Variants in CSMD3 observed in about 807,000 individuals in gnomAD.
CSMD3 encodes CUB and Sushi multiple domains 3, also known as CUB and sushi domain-containing protein 3.
In CSMD3, 177 loss-of-function variants were observed where a neutral mutation model predicts 435.2. The observed-to-expected ratio is 0.41, with a 90% CI of 0.36 to 0.46. The LOEUF (loss-of-function observed/expected upper bound fraction) is 0.46, where lower values mean the gene tolerates loss of function less well. CSMD3 is among the 20% of genes least tolerant of loss of function. The pLI is 0.34. For missense variants in CSMD3, 4,265 were observed against 4,504.6 expected, an observed-to-expected ratio of 0.95 and a Z score of 1.52; for synonymous variants, 1,656 against 1,520.5, an observed-to-expected ratio of 1.09 and a Z score of -2.07.
At chr8:113,332,282 C>A (rs1438204097) in intron 1 of CSMD3, among the ~76,000 whole-genome samples, 3 of 146,518 alleles carry the variant, frequency 2.0e-5, no homozygotes, top group Non-Finnish European at 3.0e-5. Flanking sequence ...GTCCATACAG[C>A]ATTACCACAA....
intron 38 of CSMD3, among the ~76,000 whole-genome samples, chr8:112,361,252 T>C (rs925720620): frequency 1.3e-5 from 2 of 151,740 alleles, no homozygotes; most frequent in African/African-American, 4.8e-5. Context: ...TTAATGGGAT[T>C]GGATCAATTA....
intron 7 of CSMD3, among the ~76,000 whole-genome samples, chr8:112,967,357 G>A (rs1334241064): frequency 6.6e-6 from 1 of 151,766 alleles, no homozygotes; most frequent in Non-Finnish European, 1.5e-5. Flanking sequence ...TCATTTTTGA[G>A]GCCTAAAAGC....
At chr8:113,418,328 A>G (rs1444914231) in intron 1 of CSMD3, among the ~76,000 whole-genome samples, 1 of 152,154 alleles carries the variant, frequency 6.6e-6, no homozygotes, top group Non-Finnish European at 1.5e-5. Context: ...TTCTGCACAT[A>G]TCTTTTAAAC....
chr8:112,823,797 G>A (rs2079595925), intron 12 of CSMD3, among the ~76,000 whole-genome samples: 1 of 152,146 alleles, frequency 6.6e-6, no homozygotes, highest in Non-Finnish European at 1.5e-5. Context: ...TATATATTCT[G>A]TTGATTTGGG....
At chr8:112,303,610 C>A (rs62514400) in intron 52 of CSMD3, among the ~76,000 whole-genome samples, 35,839 of 151,716 alleles carry the variant, frequency 0.24, 4,410 homozygotes, top group East Asian at 0.36. Flanking sequence ...GATGATGGCA[C>A]ATTTTTACAA....
chr8:112,987,824 T>C (rs1007526129), intron 6 of CSMD3, among the ~76,000 whole-genome samples: 1 of 152,070 alleles, frequency 6.6e-6, no homozygotes, highest in South Asian at 2.1e-4. Context: ...AGGATTTTCA[T>C]GCAGAGCTCA....
chr8:112,940,313 G>A (rs912196113), intron 9 of CSMD3, among the ~76,000 whole-genome samples: 1 of 151,568 alleles, frequency 6.6e-6, no homozygotes, highest in Non-Finnish European at 1.5e-5. Flanking sequence ...CTCAAGAGAA[G>A]CCCAAATTTA....
chr8:112,241,840 A>ATG (rs1814185087), intron 65 of CSMD3, 55 bp from the exon 66 acceptor site: 2 of 894,042 alleles, frequency 2.2e-6, no homozygotes, highest in South Asian at 1.3e-5. Flanking sequence ...TTACATACAC[A>ATG]TGCGCACACA....
intron 3 of CSMD3, among the ~76,000 whole-genome samples, chr8:113,243,663 G>A (rs1363457336): frequency 1.3e-5 from 2 of 152,048 alleles, no homozygotes; most frequent in African/African-American, 4.8e-5. Flanking sequence ...GTAACTCTGT[G>A]TTTAACTTTT....
intron 27 of CSMD3, among the ~76,000 whole-genome samples, chr8:112,524,240 T>C (rs1824617734): frequency 6.6e-6 from 1 of 151,642 alleles, no homozygotes; most frequent in Non-Finnish European, 1.5e-5. Flanking sequence ...ATCAAAAGGA[T>C]CTGTACAAGA....
intron 3 of CSMD3, among the ~76,000 whole-genome samples, chr8:113,222,282 C>A (rs1185467246): frequency 6.6e-6 from 1 of 150,878 alleles, no homozygotes; most frequent in East Asian, 2.0e-4. Context: ...AAATTATATT[C>A]ACTAATCAGT....
At chr8:113,080,141 T>C (rs1337201347) in intron 5 of CSMD3, among the ~76,000 whole-genome samples, 2 of 152,156 alleles carry the variant, frequency 1.3e-5, no homozygotes, top group East Asian at 1.9e-4. Flanking sequence ...CTGAGTGATG[T>C]TTGATGAGTA....
chr8:112,823,902 T>C (rs7838489), intron 12 of CSMD3, among the ~76,000 whole-genome samples: 293 of 152,234 alleles, frequency 1.9e-3, no homozygotes, highest in African/African-American at 6.2e-3. Context: ...CACTGATATA[T>C]CTAATATTGA....
At chr8:113,123,212 C>T (rs2131642937) in intron 4 of CSMD3, among the ~76,000 whole-genome samples, 1 of 152,168 alleles carries the variant, frequency 6.6e-6, no homozygotes, top group Non-Finnish European at 1.5e-5. Flanking sequence ...CTCTAAATGC[C>T]TAGCTTCTCA....
intron 12 of CSMD3, among the ~76,000 whole-genome samples, chr8:112,824,479 G>C (rs545254710): frequency 1.3e-5 from 2 of 152,120 alleles, no homozygotes; most frequent in South Asian, 4.1e-4. Context: ...TCCTTCAGGA[G>C]CTCTTGTAAG....
chr8:112,765,460 G>GTACC (rs148411704), intron 13 of CSMD3, among the ~76,000 whole-genome samples: 98 of 151,728 alleles, frequency 6.5e-4, no homozygotes, highest in African/African-American at 2.3e-3. Flanking sequence ...CTTTTATTAA[G>GTACC]TACCTGATTC....
intron 38 of CSMD3, among the ~76,000 whole-genome samples, chr8:112,353,326 G>T (rs564050519): frequency 2.0e-5 from 3 of 152,180 alleles, no homozygotes; most frequent in African/African-American, 7.2e-5. Flanking sequence ...GGAGGCGGAG[G>T]TTGCAGTGAG....
intron 15 of CSMD3, 28 bp from the exon 16 acceptor site, chr8:112,682,664 C>T (rs1563847746): frequency 7.1e-7 from 1 of 1,416,520 alleles, no homozygotes; most frequent in East Asian, 2.3e-5. Context: ...AAGAAAAATA[C>T]ACAAACAAAC....
rs779309952 is a variant in CSMD3 at position 112,406,636 on chromosome 8, C to G, written c.5697G>C (p.Ser1899=). The change falls in exon 35 of 71, where the codon TCG becomes TCC. Residue 1899 remains serine (S), a synonymous_variant. Coordinates refer to ENST00000297405, the MANE Select transcript of CSMD3 (RefSeq NM_198123.2). ...RIGNEFAVGS[S]VLFDCNPGYI... is the part of the protein sequence containing the mutation. ...ATCCTGGATTACAATCAAAAAGAACCGATGAACCGACTGCAAATTCATTGC... is the reference window on the plus strand; with the variant it reads ...ATCCTGGATTACAATCAAAAAGAACGGATGAACCGACTGCAAATTCATTGC... 1.2e-6 allele frequency: 2 copies of G among 1,612,538 alleles called. No homozygotes were observed. Among genetic ancestry groups the G allele is most frequent in the Non-Finnish European group, 1.7e-6 (2 of 1,178,864 alleles).
Sources: allele counts gnomAD v4.1 joint callset (sites outside exome capture counted in the v4.1 genomes callset), GRCh38; gene constraint gnomAD v4.1.1; transcripts MANE v1.5; gene names NCBI Gene and HGNC (gene_info 2026-07-23, HGNC 2026-07-21).